Variants in CDYL observed in about 807,000 individuals in gnomAD.
CDYL encodes chromodomain Y like, also known as chromodomain Y-like protein.
Under a neutral mutation model 47.3 loss-of-function variants are expected in CDYL, and 8 were observed. The ratio of observed to expected loss-of-function variants is 0.17; its 90% CI spans 0.10 to 0.31. CDYL has a LOEUF of 0.31. Ranked by LOEUF, CDYL falls within the 10% of genes least tolerant of loss-of-function variation. CDYL has a pLI of 1.00. For missense variants in CDYL, 471 were observed against 701.4 expected (o/e 0.67, Z 3.71); for synonymous variants, 266 against 265.0 (o/e 1.00, Z -0.04).
chr6:4,723,150 A>G (rs1158586673), intron 2 of CDYL, among the ~76,000 whole-genome samples: 1 of 152,192 alleles, frequency 6.6e-6, no homozygotes. Flanking sequence ...AACAATATAA[A>G]TAATACAAAT....
chr6:4,943,152 A>G (rs548587848), intron 4 of CDYL, among the ~76,000 whole-genome samples: 37 of 152,194 alleles, frequency 2.4e-4, no homozygotes, highest in Non-Finnish European at 5.3e-4. Context: ...CCTCTGTGAC[A>G]GCTTCTTGAT....
rs1762303373 is a variant in CDYL at position 4,896,998 on chromosome 6, ATATAT to A, written c.691+4623_691+4627del. The stretch of plus-strand genomic sequence containing the variant: ...AAGTATGACGCAAAGGCTTAAATGA[ATATAT>A]TATTTCACTCAGAAATGTGAGAAAT... On this transcript the variant is annotated intron_variant, in intron 2 of 6. Coordinates refer to ENST00000397588, the MANE Select transcript of CDYL (RefSeq NM_004824.4). 2.6e-5 allele frequency among the ~76,000 whole-genome samples: 4 copies of A among 152,310 alleles called. No homozygotes were observed. The South Asian group carries it at 6.2e-4, about 24-fold the overall frequency.
rs1224221764 is a variant in CDYL at position 4,954,074 on chromosome 6, G to A, written c.*18G>A. ...AGTTCTGAGTGTCGGGCTGCCCACT[G>A]GTGACACCGGGATCGGGCTGAGCAG... On this transcript the variant is annotated 3_prime_UTR_variant, in exon 7 of 7. Coordinates refer to ENST00000397588, the MANE Select transcript of CDYL (RefSeq NM_004824.4). The A allele has an allele frequency of 1.2e-6, 2 of 1,609,642 alleles. No homozygotes were observed. The highest frequency in any genetic ancestry group is 1.7e-6 in the Non-Finnish European group (2 of 1,177,088).
intron 1 of CDYL, among the ~76,000 whole-genome samples, chr6:4,842,398 T>C (rs373929543): frequency 6.6e-6 from 1 of 151,782 alleles, no homozygotes; most frequent in South Asian, 2.1e-4. Context: ...ATTGTGTTGC[T>C]ATCTCATTTC....
chr6:4,940,267 T>C (rs897538957), intron 4 of CDYL, among the ~76,000 whole-genome samples: 19 of 152,274 alleles, frequency 1.2e-4, no homozygotes, highest in Admixed American at 3.9e-4. Context: ...TATGTGACTA[T>C]ATTTTTGTCA....
At chr6:4,714,788 G>A (rs902135734) in intron 1 of CDYL, 6 of 152,200 alleles carry the variant, frequency 3.9e-5, no homozygotes, top group Non-Finnish European at 8.8e-5. Flanking sequence ...CAACAAACTT[G>A]AGGACTGACT....
intron 1 of CDYL, among the ~76,000 whole-genome samples, chr6:4,777,014 G>A (rs1363476016): frequency 1.4e-5 from 2 of 147,080 alleles, no homozygotes; most frequent in Non-Finnish European, 3.0e-5. Context: ...GAAGTTGCCG[G>A]GCGTGGGGTG....
Position 4,801,926 on chromosome 6 carries a change from A to G in CDYL, c.24+25119A>G, listed in dbSNP as rs186822574. ...GTGGTTTCCTCAGCACATATGTAGT[A>G]TGTAGTTCAGCTGTCAGCTAGGGAT... On this transcript the variant is annotated intron_variant, in intron 1 of 6. Coordinates refer to ENST00000397588, the MANE Select transcript of CDYL (RefSeq NM_004824.4). Among the ~76,000 whole-genome samples the G allele has an allele frequency of 3.3e-5, 5 of 152,274 alleles. No homozygotes were observed. The East Asian group carries it at 9.7e-4, about 29-fold the overall frequency.
intron 2 of CDYL, among the ~76,000 whole-genome samples, chr6:4,898,849 G>A (rs756649147): frequency 6.6e-6 from 1 of 152,164 alleles, no homozygotes; most frequent in Non-Finnish European, 1.5e-5. Context: ...TCCAATGATT[G>A]ATGTCGAACC....
intron 3 of CDYL, among the ~76,000 whole-genome samples, chr6:4,743,056 G>A (rs1757825535): frequency 6.6e-6 from 1 of 152,164 alleles, no homozygotes; most frequent in Non-Finnish European, 1.5e-5. Flanking sequence ...ACGCCCCAAG[G>A]CTCTGATCTT....
At chr6:4,878,788 C>T (rs1449407261) in intron 1 of CDYL, among the ~76,000 whole-genome samples, 1 of 148,612 alleles carries the variant, frequency 6.7e-6, no homozygotes, top group Non-Finnish European at 1.5e-5. Flanking sequence ...TAATTATTTC[C>T]TTATTTCTAC....
At chr6:4,776,397 G>GT (rs1261058027), upstream of CDYL, 492 of 145,698 alleles carry the variant, frequency 3.4e-3, 3 homozygotes, top group African/African-American at 9.0e-3. Flanking sequence ...GCCGGGGCAG[G>GT]TTTTTTGGTC....
chr6:4,948,044 A>G (rs1196860038), intron 5 of CDYL, among the ~76,000 whole-genome samples: 1 of 152,222 alleles, frequency 6.6e-6, no homozygotes, highest in Non-Finnish European at 1.5e-5. Context: ...TGGTAGAGTC[A>G]TTATCAGTAA....
intron 1 of CDYL, among the ~76,000 whole-genome samples, chr6:4,860,867 A>G (rs527315174): frequency 6.6e-6 from 1 of 152,020 alleles, no homozygotes; most frequent in Non-Finnish European, 1.5e-5. Flanking sequence ...CTGCCACTTT[A>G]TATTCACTGG....
intron 1 of CDYL, among the ~76,000 whole-genome samples, chr6:4,875,523 A>G (rs776028882): frequency 6.6e-6 from 1 of 152,078 alleles, no homozygotes; most frequent in East Asian, 1.9e-4. Context: ...ACTTATTTCT[A>G]ATATTTTGGC....
chr6:4,861,175 G>A (rs1761158116), intron 1 of CDYL, among the ~76,000 whole-genome samples: 1 of 152,202 alleles, frequency 6.6e-6, no homozygotes, highest in Non-Finnish European at 1.5e-5. Flanking sequence ...GAGCAAAATG[G>A]GAAGCCTATC....
intron 1 of CDYL, among the ~76,000 whole-genome samples, chr6:4,706,948 G>A (rs1424441699): frequency 6.6e-6 from 1 of 152,184 alleles, no homozygotes; most frequent in Non-Finnish European, 1.5e-5. Context: ...ACAGAATGGT[G>A]AAAGCAATGC....
intron 1 of CDYL, among the ~76,000 whole-genome samples, chr6:4,840,185 T>A (rs1760445995): frequency 6.6e-6 from 1 of 152,148 alleles, no homozygotes; most frequent in Non-Finnish European, 1.5e-5. Context: ...TTAAAGGGGT[T>A]GAGTTCTTGA....
intron 3 of CDYL, among the ~76,000 whole-genome samples, chr6:4,754,718 C>T (rs1462088517): frequency 6.6e-6 from 1 of 152,138 alleles, no homozygotes; most frequent in Non-Finnish European, 1.5e-5. Flanking sequence ...CTATTACAGA[C>T]CCTTCCTATT....
Sources: allele counts gnomAD v4.1 joint callset (sites outside exome capture counted in the v4.1 genomes callset), GRCh38; gene constraint gnomAD v4.1.1; transcripts MANE v1.5; gene names NCBI Gene and HGNC (gene_info 2026-07-23, HGNC 2026-07-21).